The following NRG4 variants were observed in gnomAD, a reference collection of about 807,000 sequenced individuals.
NRG4 encodes neuregulin 4, also known as pro-neuregulin-4, membrane-bound isoform.
A neutral mutation model predicts 15.0 loss-of-function variants in NRG4; 10 were observed. The ratio of observed to expected loss-of-function variants is 0.67; its 90% confidence interval spans 0.41 to 1.13. The LOEUF is 1.13. NRG4 is among the 50% of genes most tolerant of loss of function. NRG4 has a pLI of 0.00. For missense variants in NRG4, 139 were observed against 140.2 expected (o/e 0.99, Z 0.04); for synonymous variants, 41 against 50.1 (o/e 0.82, Z 0.77).
At chr15:75,965,173 C>T (rs1295558524) in intron 3 of NRG4, among the ~76,000 whole-genome samples, 5 of 151,756 alleles carry the variant, frequency 3.3e-5, no homozygotes, top group South Asian at 2.1e-4. Context: ...TGCAGTGAGC[C>T]GAGATCGGGC....
intron 5 of NRG4, among the ~76,000 whole-genome samples, chr15:76,030,242 G>A (rs2141940602): frequency 6.6e-6 from 1 of 152,156 alleles, no homozygotes; most frequent in East Asian, 1.9e-4. Context: ...CTAGGCAACA[G>A]AGTGAGACTC....
chr15:75,955,224 A>G (rs1326829640), intron 5 of NRG4, among the ~76,000 whole-genome samples: 3 of 152,104 alleles, frequency 2.0e-5, no homozygotes, highest in Admixed American at 1.3e-4. Flanking sequence ...TCAGTACAAT[A>G]TAGTCACCTT....
intron 3 of NRG4, among the ~76,000 whole-genome samples, chr15:75,965,094 C>T (rs1286095963): frequency 2.6e-5 from 4 of 151,706 alleles, no homozygotes; most frequent in South Asian, 2.1e-4. Context: ...GGCATGGTGG[C>T]GGGCGCCTGC....
At position 75,942,830 on chromosome 15, in the gene NRG4, G is replaced by GTAACT. The variant is rs1282940354; in HGVS notation, c.*803_*807dup. The GTAACT allele has an allele frequency of 6.6e-6, 1 of 151,862 alleles. No homozygotes were observed. Among genetic ancestry groups the GTAACT allele is most frequent in the East Asian group, 1.9e-4 (1 of 5,184 alleles). The allele number at this position is 151,862 out of a possible 1,614,324, so 9.4% of individuals were successfully genotyped here. A position where few individuals can be genotyped will look rare whatever the true frequency, so the allele number is the denominator to read the frequency against. Reference sequence around the variant, plus strand: ...TTACTATTGCTTTTTTTTCCCCCATGTAACTTAGGTAGAAAAAACTGGAGA... The same window carrying GTAACT: ...TTACTATTGCTTTTTTTTCCCCCATGTAACTTAACTTAGGTAGAAAAAACTGGAGA... On this transcript the variant is annotated 3_prime_UTR_variant, in exon 6 of 6. Coordinates refer to ENST00000394907, the MANE Select transcript of NRG4 (RefSeq NM_138573.4).
At chr15:75,963,134 G>A (rs2032614644) in intron 3 of NRG4, among the ~76,000 whole-genome samples, 1 of 152,120 alleles carries the variant, frequency 6.6e-6, no homozygotes, top group African/African-American at 2.4e-5. Context: ...TAGCACAAAG[G>A]ATCAATTTGA....
At chr15:75,969,658 G>A (rs2033000322) in intron 3 of NRG4, among the ~76,000 whole-genome samples, 1 of 152,166 alleles carries the variant, frequency 6.6e-6, no homozygotes, top group South Asian at 2.1e-4. Flanking sequence ...CTTACTGTAA[G>A]AACAGTGATC....
chr15:76,010,107 C>T lies in NRG4; in HGVS notation c.11-814G>A, dbSNP rs376330016. Among the ~76,000 whole-genome samples the T allele has an allele frequency of 1.4e-4, 21 of 151,966 alleles. No homozygotes were observed. The East Asian group carries it at 2.9e-3, about 21-fold the overall frequency. On this transcript the variant is annotated intron_variant, in intron 2 of 5. Coordinates refer to ENST00000394907, the MANE Select transcript of NRG4 (RefSeq NM_138573.4). ...TTCCTTCTAGCCTCACCCCCAAGAC[C>T]TTTTATAAAAAATCCCTGTCCACCA...
intron 1 of NRG4, among the ~76,000 whole-genome samples, chr15:76,058,220 A>AT (rs1391445506): frequency 1.3e-5 from 2 of 152,144 alleles, no homozygotes; most frequent in Non-Finnish European, 2.9e-5. Flanking sequence ...TCCTCCATTA[A>AT]TTTTTCTTAA....
chr15:76,055,979 G>C lies in NRG4; in HGVS notation c.-262+975C>G, dbSNP rs947988825. On this transcript the variant is annotated intron_variant, in intron 2 of 8. Transcript: ENST00000563910. The stretch of plus-strand genomic sequence containing the variant: ...GCTCTAAGTACTATCTTTGAAGATG[G>C]GCTTGCTGCATTAAGTATTCTTAAC... Among the ~76,000 whole-genome samples, 39 of 152,276 alleles carry C rather than the reference G, an allele frequency of 2.6e-4. 1 individual carries two copies. The highest frequency in any genetic ancestry group is 8.2e-4 in the African/African-American group (34 of 41,546).
At chr15:75,952,529 ATGC>A (rs2031966750) in intron 5 of NRG4, among the ~76,000 whole-genome samples, 1 of 151,930 alleles carries the variant, frequency 6.6e-6, no homozygotes, top group African/African-American at 2.4e-5. Context: ...ATTATAAATA[ATGC>A]TGCTATGTGC....
intron 3 of NRG4, among the ~76,000 whole-genome samples, chr15:76,052,377 G>T (rs1365071122): frequency 1.3e-5 from 2 of 150,928 alleles, no homozygotes; most frequent in Non-Finnish European, 2.9e-5. Context: ...AACTTTTTAA[G>T]TCCCAGAAAA....
Position 76,029,975 on chromosome 15 carries a change from C to T in NRG4, c.-57+5969G>A, listed in dbSNP as rs112003727. Among the ~76,000 whole-genome samples, 693 of 152,218 alleles carry T rather than the reference C, an allele frequency of 4.6e-3. 4 individuals carry two copies. Among genetic ancestry groups the T allele is most frequent in the African/African-American group, 0.016 (651 of 41,544 alleles). On this transcript the variant is annotated intron_variant, in intron 5 of 8. Transcript: ENST00000563910. Reference sequence around the variant, plus strand: ...ATCCTGAGCAAAAAGAACAAAGCTGCAGGCCAGGCATGGTGGCTCATGTCT... The same window carrying T: ...ATCCTGAGCAAAAAGAACAAAGCTGTAGGCCAGGCATGGTGGCTCATGTCT...
At chr15:76,029,985 A>G (rs1596043225) in intron 5 of NRG4, among the ~76,000 whole-genome samples, 1 of 152,168 alleles carries the variant, frequency 6.6e-6, no homozygotes, top group East Asian at 1.9e-4. Context: ...CAGGCCAGGC[A>G]TGGTGGCTCA....
At chr15:75,976,068 G>A (rs575394456) in intron 3 of NRG4, among the ~76,000 whole-genome samples, 1 of 151,954 alleles carries the variant, frequency 6.6e-6, no homozygotes, top group African/African-American at 2.4e-5. Flanking sequence ...TTGTCTTCAT[G>A]CTTTATTTCA....
intron 4 of NRG4, among the ~76,000 whole-genome samples, chr15:75,961,246 A>T (rs931529514): frequency 1.3e-5 from 2 of 152,200 alleles, no homozygotes; most frequent in African/African-American, 4.8e-5. Context: ...GAATGAAAGT[A>T]ATCTTCAGTG....
At chr15:76,020,730 A>G (rs1036264916) in intron 5 of NRG4, among the ~76,000 whole-genome samples, 3 of 152,264 alleles carry the variant, frequency 2.0e-5, no homozygotes, top group African/African-American at 7.2e-5. Context: ...GCTGTAAGCC[A>G]AAGCCTAATC....
chr15:75,958,648 G>A (rs1364849395), intron 4 of NRG4, among the ~76,000 whole-genome samples: 1 of 152,164 alleles, frequency 6.6e-6, no homozygotes, highest in African/African-American at 2.4e-5. Context: ...CCCACATAAT[G>A]TTTGTGATTG....
intron 5 of NRG4, among the ~76,000 whole-genome samples, chr15:75,944,229 T>C (rs2031297669): frequency 6.6e-6 from 1 of 152,196 alleles, no homozygotes. Flanking sequence ...GTTTTCTCAT[T>C]GTAGAGTGAG....
At chr15:75,962,149 T>C (rs2032553303) in intron 3 of NRG4, among the ~76,000 whole-genome samples, 175 bp from the exon 4 acceptor site, 1 of 152,206 alleles carries the variant, frequency 6.6e-6, no homozygotes, top group African/African-American at 2.4e-5. Flanking sequence ...ATAAAACAAA[T>C]GCAAATTTGT....
Sources: allele counts gnomAD v4.1 joint callset (sites outside exome capture counted in the v4.1 genomes callset), GRCh38; gene constraint gnomAD v4.1.1; transcripts MANE v1.5; gene names NCBI Gene and HGNC (gene_info 2026-07-23, HGNC 2026-07-21).